The following RCOR1 variants were observed in gnomAD, a reference collection of about 807,000 sequenced individuals.
The protein encoded by RCOR1 is REST corepressor 1.
A neutral mutation model predicts 64.0 loss-of-function variants in RCOR1; 12 were observed. The observed-to-expected ratio is 0.19, with a 90% CI of 0.12 to 0.30. RCOR1 has a LOEUF of 0.30. RCOR1 is among the 10% of genes least tolerant of loss of function. The pLI, the probability that RCOR1 is intolerant of heterozygous loss-of-function variation, is 1.00. For synonymous variants in RCOR1, 279 were observed against 227.2 expected, an observed-to-expected ratio of 1.23 and a Z score of -2.05; for missense variants, 502 against 621.2, an observed-to-expected ratio of 0.81 and a Z score of 2.04.
At chr14:102,642,154 C>T (rs1291094200) in intron 2 of RCOR1, among the ~76,000 whole-genome samples, 2 of 152,148 alleles carry the variant, frequency 1.3e-5, no homozygotes, top group Admixed American at 1.3e-4. Flanking sequence ...CGTGCCCCAG[C>T]TGCGTCTGTG....
At position 102,679,543 on chromosome 14, in the gene RCOR1, A is replaced by G. The variant is rs553918148; in HGVS notation, c.362-2352A>G. ...ACCCAGGCTGGAGTGCAGTGGTGCA[A>G]TCTTGGCTCACTGCAAGCTCCGCCT... is the stretch of plus-strand genomic sequence containing the variant. On this transcript the variant is annotated intron_variant, in intron 2 of 11. Transcript: ENST00000262241. 2.9e-3 allele frequency among the ~76,000 whole-genome samples: 441 copies of G among 151,530 alleles called. 1 individual carries two copies. The highest frequency in any genetic ancestry group is 4.6e-3 in the Non-Finnish European group (313 of 67,936).
At chr14:102,701,235 C>G in intron 3 of RCOR1, 43 bp from the exon 4 acceptor site, 1 of 1,509,906 alleles carries the variant, frequency 6.6e-7, no homozygotes, top group Non-Finnish European at 9.2e-7. Flanking sequence ...AGGGTGTACT[C>G]TGTCCCTCAG....
At chr14:102,629,993 T>C (rs1894075620) in intron 2 of RCOR1, 1 of 977,150 alleles carries the variant, frequency 1.0e-6, no homozygotes, top group South Asian at 4.7e-5. Flanking sequence ...CCTTATTTTG[T>C]GTAAGGCAGA....
intron 3 of RCOR1, among the ~76,000 whole-genome samples, chr14:102,693,923 T>C (rs1895591775): frequency 6.6e-6 from 1 of 152,108 alleles, no homozygotes; most frequent in Non-Finnish European, 1.5e-5. Flanking sequence ...ACTCCTGGGC[T>C]CAAGTAATCC....
chr14:102,607,339 T>G (rs544622976), intron 2 of RCOR1, among the ~76,000 whole-genome samples: 1 of 152,226 alleles, frequency 6.6e-6, no homozygotes, highest in East Asian at 1.9e-4. Flanking sequence ...AAGCTGATTA[T>G]CCCTATTGTC....
At chr14:102,649,769 A>G (rs1595212021) in intron 2 of RCOR1, 1 of 984,730 alleles carries the variant, frequency 1.0e-6, no homozygotes, top group East Asian at 1.1e-4. Context: ...TGCTTATATT[A>G]GCTAGAATGG....
At chr14:102,621,367 CTTTTTTTTTT>C (rs35481023) in intron 2 of RCOR1, among the ~76,000 whole-genome samples, 111 of 78,522 alleles carry the variant, frequency 1.4e-3, no homozygotes, top group African/African-American at 5.3e-3. Flanking sequence ...CAGTCTTTGT[CTTTTTTTTTT>C]TTTTTTTTTT....
chr14:102,593,033 C>G lies in RCOR1; in HGVS notation c.147C>G (p.Ala49=). The G allele has an allele frequency of 1.6e-6, 2 of 1,281,520 alleles. No homozygotes were observed. The highest frequency in any genetic ancestry group is 2.0e-6 in the Non-Finnish European group (2 of 1,006,538). The allele number at this position is 1,281,520 out of a possible 1,614,324, so 79.4% of individuals were successfully genotyped here. ...ASPAATAASG[A]AASSASAAAA... is the part of the protein sequence containing the mutation. The stretch of plus-strand genomic sequence containing the variant: ...CAGCCGCCACTGCCGCCTCGGGCGC[C>G]GCCGCCTCCTCAGCCTCGGCCGCCG... The change falls in exon 1 of 12, where the codon GCC becomes GCG. Residue 49 remains alanine (A), a synonymous_variant. Coordinates refer to ENST00000262241, the MANE Select transcript of RCOR1 (RefSeq NM_015156.4).
At position 102,612,451 on chromosome 14, in the gene RCOR1, A is replaced by C. The variant is rs1340981336; in HGVS notation, c.361+19126A>C. 2.0e-5 allele frequency among the ~76,000 whole-genome samples: 3 copies of C among 151,826 alleles called. No homozygotes were observed. In the East Asian group the frequency reaches 5.8e-4, roughly 29 times the overall value. ...TGCTCTTAAGCGATCTGCCCGCCTC[A>C]GCCTCCCAAAGTGCTGGGATTACAG... On this transcript the variant is annotated intron_variant, in intron 2 of 11. Transcript: ENST00000262241.
chr14:102,592,962 TCCGCCGCCG>T lies in RCOR1; in HGVS notation c.82_90del (p.Ala28_Ala30del), dbSNP rs770589339. Reference sequence around the variant, plus strand: ...GAGGAACAACGCGGCCGCCTCCGCCTCCGCCGCCGCCGCCTCCGCCGCCGCCTCGGCCGC... The same window carrying T: ...GAGGAACAACGCGGCCGCCTCCGCCTCCGCCTCCGCCGCCGCCTCGGCCGC... On this transcript the variant is annotated inframe_deletion, in exon 1 of 12. Transcript: ENST00000262241. The T allele has an allele frequency of 2.7e-5, 32 of 1,166,112 alleles. No individual in the cohort carries two copies. Among genetic ancestry groups the T allele is most frequent in the East Asian group, 1.9e-4 (4 of 20,730 alleles). The allele number at this position is 1,166,112 out of a possible 1,614,324, so 72.2% of individuals were successfully genotyped here. A position where few individuals can be genotyped will look rare whatever the true frequency, so the allele number is the denominator to read the frequency against.
chr14:102,690,540 GT>G (rs1282234186), intron 3 of RCOR1, among the ~76,000 whole-genome samples: 3 of 152,036 alleles, frequency 2.0e-5, no homozygotes, highest in Non-Finnish European at 4.4e-5. Flanking sequence ...GCAGTGAGCT[GT>G]GATTGCGCCA....
chr14:102,609,495 A>G (rs963373975), intron 2 of RCOR1, among the ~76,000 whole-genome samples: 2 of 151,980 alleles, frequency 1.3e-5, no homozygotes, highest in Non-Finnish European at 2.9e-5. Context: ...GCTGGAGTGC[A>G]TTGGTGCGAT....
intron 2 of RCOR1, among the ~76,000 whole-genome samples, chr14:102,661,318 A>T (rs529350757): frequency 6.6e-6 from 1 of 152,350 alleles, no homozygotes; most frequent in African/African-American, 2.4e-5. Context: ...GCTGCACTCC[A>T]GCCTGGGCAA....
rs1239669462 is a variant in RCOR1 at position 102,592,882 on chromosome 14, C to A, written c.-5C>A. The A allele has an allele frequency of 1.6e-6, 2 of 1,227,790 alleles. No homozygotes were observed. Among genetic ancestry groups the A allele is most frequent in the Non-Finnish European group, 1.0e-6 (1 of 982,566 alleles). 76.1% of individuals were successfully genotyped at this position (1,227,790 alleles called of 1,614,324 possible). ...GCCACTTTCGCACGGCCCCGGCCCC[C>A]GCCGATGCCGGCCATGGTGGAGAAG... On this transcript the variant is annotated 5_prime_UTR_variant, in exon 1 of 12. Coordinates refer to ENST00000262241, the MANE Select transcript of RCOR1 (RefSeq NM_015156.4).
intron 2 of RCOR1, among the ~76,000 whole-genome samples, chr14:102,601,262 C>T (rs971312462): frequency 6.6e-6 from 1 of 152,042 alleles, no homozygotes; most frequent in African/African-American, 2.4e-5. Flanking sequence ...ATTGACCCGC[C>T]TTGGCCTCCC....
chr14:102,683,614 C>T (rs1895348731), intron 3 of RCOR1, among the ~76,000 whole-genome samples: 5 of 152,238 alleles, frequency 3.3e-5, no homozygotes, highest in Admixed American at 3.3e-4. Context: ...GGCAACTTCT[C>T]TTGGGAATCG....
At chr14:102,697,181 AGAG>A (rs1390488829) in intron 3 of RCOR1, among the ~76,000 whole-genome samples, 6 of 152,320 alleles carry the variant, frequency 3.9e-5, no homozygotes, top group Admixed American at 2.6e-4. Context: ...TTCTGTGAGG[AGAG>A]GAGGAGGAGT....
chr14:102,729,407 C>T lies in RCOR1; in HGVS notation c.*2901C>T, dbSNP rs79966930. The T allele has an allele frequency of 0.012, 1,908 of 153,630 alleles. 41 individuals carry two copies. Among genetic ancestry groups the T allele is most frequent in the African/African-American group, 0.044 (1,813 of 41,596 alleles). 9.5% of individuals were successfully genotyped at this position (153,630 alleles called of 1,614,324 possible). A position where few individuals can be genotyped will look rare whatever the true frequency, so the allele number is the denominator to read the frequency against. On this transcript the variant is annotated 3_prime_UTR_variant, in exon 12 of 12. Coordinates refer to ENST00000262241, the MANE Select transcript of RCOR1 (RefSeq NM_015156.4). ...GGAAGGAACCACACCCCAGTTGTGC[C>T]GATTACATTAGTGTTGGCACACAGT...
intron 2 of RCOR1, among the ~76,000 whole-genome samples, chr14:102,652,435 C>G (rs926479834): frequency 6.6e-6 from 1 of 152,202 alleles, no homozygotes; most frequent in African/African-American, 2.4e-5. Context: ...ACTCTCTCCT[C>G]TAGTCTTCTG....
Sources: gnomAD v4.1 joint callset for allele counts (sites outside exome capture counted in the v4.1 genomes callset) on GRCh38, gnomAD v4.1.1 for gene constraint, MANE v1.5 for transcripts, NCBI Gene and HGNC (gene_info 2026-07-23, HGNC 2026-07-21) for gene names.